The following UHRF2 variants were observed in gnomAD, a reference collection of about 807,000 sequenced individuals.
UHRF2 encodes the protein E3 ubiquitin-protein ligase UHRF2.
UHRF2 carries 23 observed loss-of-function variants against 96.8 expected under a neutral mutation model. The ratio of observed to expected loss-of-function variants is 0.24; its 90% confidence interval spans 0.17 to 0.34. The LOEUF is 0.34. Among genes scored for constraint, UHRF2 ranks in the 10% least tolerant of loss-of-function variants. UHRF2 has a pLI of 1.00. For synonymous variants in UHRF2, 385 were observed against 332.6 expected (o/e 1.16, Z -1.72); for missense variants, 685 against 981.5 (o/e 0.70, Z 4.04).
rs1820053387 is a variant in UHRF2, at chr9:6,423,470, G to A, written c.384+2328G>A. Among the ~76,000 whole-genome samples the A allele has an allele frequency of 2.0e-5, 3 of 152,224 alleles. No individual in the cohort carries two copies. The South Asian group carries it at 6.2e-4, about 32-fold the overall frequency. On this transcript the variant is annotated intron_variant, in intron 2 of 15. Coordinates refer to ENST00000276893, the MANE Select transcript of UHRF2 (RefSeq NM_152896.3). ...AACTTGCTTTTAAAAAATTATGGCT[G>A]CTTATTAAAAATATATTACTTTAAG...
chr9:6,442,361 G>A (rs1241648683), intron 3 of UHRF2, among the ~76,000 whole-genome samples: 1 of 152,210 alleles, frequency 6.6e-6, no homozygotes, highest in Non-Finnish European at 1.5e-5. Flanking sequence ...AATGTTTCCA[G>A]TGGATGAAGC....
chr9:6,415,979 C>T (rs545394374), intron 1 of UHRF2, among the ~76,000 whole-genome samples: 2 of 152,334 alleles, frequency 1.3e-5, no homozygotes, highest in South Asian at 4.1e-4. Context: ...CCTACTGAAG[C>T]AGAATCTGTA....
intron 1 of UHRF2, among the ~76,000 whole-genome samples, chr9:6,416,613 G>C (rs1819616085): frequency 7.8e-6 from 1 of 127,824 alleles, no homozygotes; most frequent in South Asian, 2.6e-4. Flanking sequence ...CGCGATCTCC[G>C]CTCACTGCAA....
At chr9:6,428,157 A>G (rs1820362802) in intron 2 of UHRF2, among the ~76,000 whole-genome samples, 2 of 152,234 alleles carry the variant, frequency 1.3e-5, no homozygotes, top group Non-Finnish European at 2.9e-5. Flanking sequence ...AGTACTGGAA[A>G]GAGGAGAATT....
intron 14 of UHRF2, among the ~76,000 whole-genome samples, chr9:6,502,644 T>A (rs1184096663): frequency 1.3e-5 from 2 of 152,228 alleles, no homozygotes; most frequent in Non-Finnish European, 2.9e-5. Flanking sequence ...TGTAGGAACG[T>A]AAGTTCCAGG....
intron 7 of UHRF2, 82 bp downstream of exon 7, chr9:6,481,848 A>G: frequency 6.5e-7 from 1 of 1,549,256 alleles, no homozygotes; most frequent in Non-Finnish European, 8.7e-7. Flanking sequence ...AATGGTATAA[A>G]AGATTAAACA....
intron 3 of UHRF2, among the ~76,000 whole-genome samples, chr9:6,441,232 C>T (rs1278979067): frequency 2.0e-5 from 3 of 151,826 alleles, no homozygotes; most frequent in South Asian, 2.1e-4. Flanking sequence ...AACTCAGCCA[C>T]CTATGGTGGT....
intron 3 of UHRF2, among the ~76,000 whole-genome samples, chr9:6,451,773 T>TTGGTTGTTGTTG (rs1554625814): frequency 1.3e-5 from 2 of 148,802 alleles, no homozygotes; most frequent in African/African-American, 5.0e-5. Flanking sequence ...GCCCGGCCTG[T>TTGGTTGTTGTTG]TTGTTGTTGT....
chr9:6,462,603 G>T (rs1189752904), intron 4 of UHRF2, among the ~76,000 whole-genome samples: 1 of 152,130 alleles, frequency 6.6e-6, no homozygotes, highest in Non-Finnish European at 1.5e-5. Flanking sequence ...ATAGCATTGA[G>T]CTAAAAAAGC....
intron 2 of UHRF2, among the ~76,000 whole-genome samples, chr9:6,425,421 A>C (rs369120988): frequency 1.3e-5 from 2 of 152,118 alleles, no homozygotes; most frequent in East Asian, 3.9e-4. Flanking sequence ...TCAGTCCTAG[A>C]ATCAACCATT....
At chr9:6,490,555 G>A (rs1824599127) in intron 9 of UHRF2, among the ~76,000 whole-genome samples, 1 of 152,184 alleles carries the variant, frequency 6.6e-6, no homozygotes, top group Non-Finnish European at 1.5e-5. Context: ...TTGAACCCAG[G>A]AAGCAGAGGT....
intron 2 of UHRF2, chr9:6,422,640 G>T: frequency 1.5e-6 from 1 of 647,644 alleles, no homozygotes; most frequent in Non-Finnish European, 2.9e-6. Flanking sequence ...GACAGGGTCT[G>T]GCTCTGTCAC....
chr9:6,462,400 C>G (rs1228486262), intron 4 of UHRF2, among the ~76,000 whole-genome samples: 1 of 151,630 alleles, frequency 6.6e-6, no homozygotes, highest in Non-Finnish European at 1.5e-5. Context: ...TTCTTACAAA[C>G]AAAAGTGTGA....
At chr9:6,420,667 A>G (rs989232627) in intron 1 of UHRF2, among the ~76,000 whole-genome samples, 1 of 151,260 alleles carries the variant, frequency 6.6e-6, no homozygotes, top group African/African-American at 2.4e-5. Context: ...AGATCGTGCC[A>G]CTGCCCTCCA....
At chr9:6,483,600 T>C (rs1385051814) in intron 8 of UHRF2, among the ~76,000 whole-genome samples, 1 of 152,216 alleles carries the variant, frequency 6.6e-6, no homozygotes, top group Non-Finnish European at 1.5e-5. Flanking sequence ...GTGGGCCAAC[T>C]GTAATACATA....
chr9:6,485,880 C>G (rs760101684), intron 8 of UHRF2, among the ~76,000 whole-genome samples: 1 of 145,586 alleles, frequency 6.9e-6, no homozygotes, highest in East Asian at 2.1e-4. Context: ...ATACCTTTTT[C>G]AGGGAGTTTG....
At chr9:6,474,217 G>T (rs1457055567) in intron 4 of UHRF2, among the ~76,000 whole-genome samples, 1 of 152,182 alleles carries the variant, frequency 6.6e-6, no homozygotes, top group Non-Finnish European at 1.5e-5. Flanking sequence ...ATGCATTTAT[G>T]CAGTTTTTTG....
chr9:6,413,816 T>C, intron 1 of UHRF2, 173 bp downstream of exon 1: 1 of 770,598 alleles, frequency 1.3e-6, no homozygotes, highest in Non-Finnish European at 1.8e-6. Context: ...CGCCGAATGG[T>C]GGGGAGTGGG....
chr9:6,421,945 T>G lies in UHRF2; in HGVS notation c.384+803T>G, dbSNP rs571938793. ...CTGCATATAGCTGTGTTTTATTCCT[T>G]TTCACTATTATGTCATTCCATTTTA... On this transcript the variant is annotated intron_variant, in intron 2 of 15. Transcript: ENST00000276893. Among the ~76,000 whole-genome samples, 11 of 152,374 alleles carry G rather than the reference T, an allele frequency of 7.2e-5. No homozygotes were observed. The South Asian group carries it at 2.1e-3, about 29-fold the overall frequency.
Sources: gnomAD v4.1 joint callset for allele counts (sites outside exome capture counted in the v4.1 genomes callset) on GRCh38, gnomAD v4.1.1 for gene constraint, MANE v1.5 for transcripts, NCBI Gene and HGNC (gene_info 2026-07-23, HGNC 2026-07-21) for gene names.